IFT70B: variants seen among roughly 807,000 people sequenced by gnomAD.
The protein encoded by IFT70B is intraflagellar transport 70B.
chr2:177,550,509 A>T, the IFT70B span: 4 of 318,980 alleles, frequency 1.3e-5, no homozygotes, highest in Non-Finnish European at 2.3e-5. Flanking sequence ...AACAGAGGAA[A>T]GGAAACAAAC....
the IFT70B span, chr2:177,550,716 TG>T: frequency 6.8e-7 from 1 of 1,460,344 alleles, no homozygotes; most frequent in South Asian, 1.4e-5. Context: ...AATAAAGCGA[TG>T]CAAATTTACA....
chr2:177,551,437 C>A, the IFT70B span: 1 of 1,614,298 alleles, frequency 6.2e-7, no homozygotes, highest in Admixed American at 1.7e-5. Context: ...ATCTTTTCCA[C>A]CATTGGATAA....
At chr2:177,552,503 C>G in the IFT70B span, 43 of 1,605,614 alleles carry the variant, frequency 2.7e-5, no homozygotes, top group Non-Finnish European at 3.4e-5. Context: ...TGTACAGGGC[C>G]TGGGCCTGGT....
the IFT70B span, chr2:177,550,638 CTT>C: frequency 8.6e-6 from 6 of 695,206 alleles, no homozygotes; most frequent in Non-Finnish European, 1.0e-5. Flanking sequence ...GTTTTAGCTA[CTT>C]TTTTTTTTAT....
chr2:177,551,930 T>G, the IFT70B span: 4,502 of 1,614,188 alleles, frequency 2.8e-3, 142 homozygotes, highest in East Asian at 0.075. Flanking sequence ...CTGCCCTGGG[T>G]GGCATGTCAG....
chr2:177,552,736 G>C, the IFT70B span: 9 of 1,581,096 alleles, frequency 5.7e-6, no homozygotes, highest in Non-Finnish European at 7.7e-6. Context: ...TCCCCGTCGG[G>C]GATCTGCGCG....
At chr2:177,552,398 G>T in the IFT70B span, 2 of 1,613,788 alleles carry the variant, frequency 1.2e-6, no homozygotes, top group African/African-American at 2.7e-5. Flanking sequence ...CGCTGTACTT[G>T]ATAGCAGCTT....
the IFT70B span, chr2:177,552,759 G>A: frequency 1.3e-6 from 2 of 1,555,152 alleles, no homozygotes; most frequent in East Asian, 2.3e-5. Context: ...GCTCAGGCCA[G>A]CCATAACCAC....
At chr2:177,552,633 C>A in the IFT70B span, 1 of 1,589,214 alleles carries the variant, frequency 6.3e-7, no homozygotes, top group African/African-American at 1.3e-5. Context: ...GCCGGCGCGG[C>A]TCCTAGGGCT....
At chr2:177,552,614 C>T in the IFT70B span, 5 of 1,593,002 alleles carry the variant, frequency 3.1e-6, no homozygotes, top group African/African-American at 2.7e-5. Context: ...AGTAGCCTAG[C>T]AGCGACAGGC....
chr2:177,550,381 C>G, the IFT70B span: 1 of 158,382 alleles, frequency 6.3e-6, no homozygotes, highest in East Asian at 1.9e-4. Context: ...TACTCTCACA[C>G]AATCCCTGAA....
At chr2:177,552,383 G>T in the IFT70B span, 1 of 1,613,902 alleles carries the variant, frequency 6.2e-7, no homozygotes, top group South Asian at 1.1e-5. Flanking sequence ...CTGGCAGATC[G>T]CCCTCGCTGT....
chr2:177,551,721 T>C, the IFT70B span: 1 of 1,614,234 alleles, frequency 6.2e-7, no homozygotes, highest in Non-Finnish European at 8.5e-7. Flanking sequence ...ATAAATCAAA[T>C]GGGCATTTTC....
chr2:177,551,747 T>G, the IFT70B span: 1 of 1,614,228 alleles, frequency 6.2e-7, no homozygotes, highest in Non-Finnish European at 8.5e-7. Context: ...GGACATCTGC[T>G]GCCAGGTCAA....
the IFT70B span, chr2:177,552,473 C>G: frequency 6.2e-7 from 1 of 1,611,806 alleles, no homozygotes; most frequent in Non-Finnish European, 8.5e-7. Context: ...CCCGGGTGGC[C>G]TCCGCATAAA....
the IFT70B span, chr2:177,551,997 A>C: frequency 6.2e-7 from 1 of 1,614,220 alleles, no homozygotes; most frequent in Admixed American, 1.7e-5. Flanking sequence ...AGCTGCCTTA[A>C]GGTTGAAGGC....
the IFT70B span, chr2:177,552,787 C>T: frequency 1.3e-6 from 2 of 1,499,482 alleles, no homozygotes; most frequent in East Asian, 2.3e-5. Context: ...GTTATGGGTG[C>T]GGTTACTATG....
At chr2:177,550,638 C>CT in the IFT70B span, 7,009 of 677,968 alleles carry the variant, frequency 0.01, no homozygotes, top group Non-Finnish European at 0.012. Flanking sequence ...GTTTTAGCTA[C>CT]TTTTTTTTTT....
the IFT70B span, chr2:177,552,712 C>T: frequency 1.3e-6 from 2 of 1,594,130 alleles, no homozygotes; most frequent in South Asian, 1.1e-5. Flanking sequence ...AGGCGGTACA[C>T]GACCGCGGTG....
Sources: allele counts gnomAD v4.1 joint callset, GRCh38; gene constraint gnomAD v4.1.1; transcripts MANE v1.5; gene names NCBI Gene and HGNC (gene_info 2026-07-23, HGNC 2026-07-21).